The following EXOC4 variants were observed in gnomAD, a reference collection of about 807,000 sequenced individuals.
The protein encoded by EXOC4 is exocyst complex component 4, also known as SEC8-like 1.
In EXOC4, 71 loss-of-function variants were observed where a neutral mutation model predicts 107.2. That is an observed-to-expected ratio of 0.66 (90% CI 0.55 to 0.81). EXOC4 has a LOEUF of 0.81. EXOC4 is among the 30% of genes least tolerant of loss of function. The pLI, the probability that EXOC4 is intolerant of heterozygous loss-of-function variation, is 0.00. For synonymous variants in EXOC4, 456 were observed against 441.2 expected (o/e 1.03, Z -0.42); for missense variants, 1,108 against 1,189.6 (o/e 0.93, Z 1.01).
chr7:133,933,244 A>G (rs977141288), intron 13 of EXOC4, among the ~76,000 whole-genome samples: 1 of 152,192 alleles, frequency 6.6e-6, no homozygotes, highest in African/African-American at 2.4e-5. Context: ...CCTTAAATGA[A>G]TTCTTGTCAG....
chr7:133,311,032 TGAAA>T (rs1359152642), intron 4 of EXOC4, among the ~76,000 whole-genome samples: 3 of 152,090 alleles, frequency 2.0e-5, no homozygotes, highest in Non-Finnish European at 4.4e-5. Context: ...AATTGACAAA[TGAAA>T]GAAAGGTACA....
chr7:133,682,704 C>T (rs769650772), intron 10 of EXOC4, among the ~76,000 whole-genome samples: 3 of 152,198 alleles, frequency 2.0e-5, no homozygotes, highest in Admixed American at 6.5e-5. Context: ...CCACCTTTCT[C>T]ATGCACACAT....
chr7:133,253,222 G>C, intron 1 of EXOC4, 35 bp downstream of exon 1: 1 of 1,604,060 alleles, frequency 6.2e-7, no homozygotes, highest in Non-Finnish European at 8.5e-7. Flanking sequence ...TGGGGACTGG[G>C]GGCAGCGGCT....
At chr7:133,693,532 G>A (rs933181117) in intron 10 of EXOC4, among the ~76,000 whole-genome samples, 6 of 152,182 alleles carry the variant, frequency 3.9e-5, no homozygotes, top group Admixed American at 2.0e-4. Flanking sequence ...AATCCAATCC[G>A]GTTGACACCC....
At chr7:133,653,391 C>A (rs1803209724) in intron 10 of EXOC4, among the ~76,000 whole-genome samples, 1 of 152,126 alleles carries the variant, frequency 6.6e-6, no homozygotes, top group Non-Finnish European at 1.5e-5. Context: ...ACTAAGATGC[C>A]CCTTTACTTG....
At chr7:133,905,612 T>G (rs1192978018) in intron 12 of EXOC4, among the ~76,000 whole-genome samples, 1 of 152,176 alleles carries the variant, frequency 6.6e-6, no homozygotes, top group African/African-American at 2.4e-5. Context: ...CTGTTCCAAT[T>G]TACTATCAGT....
intron 9 of EXOC4, among the ~76,000 whole-genome samples, chr7:133,580,936 A>G (rs1224394038): frequency 6.6e-6 from 1 of 152,242 alleles, no homozygotes; most frequent in Non-Finnish European, 1.5e-5. Context: ...ATGAATACAC[A>G]TGTCCAGTCT....
chr7:133,327,007 C>T (rs556325901), intron 5 of EXOC4, among the ~76,000 whole-genome samples: 3 of 152,348 alleles, frequency 2.0e-5, no homozygotes, highest in African/African-American at 7.2e-5. Flanking sequence ...CTCTCCAAGC[C>T]AGGCGTGGGA....
At chr7:133,714,467 C>A (rs1213985554) in intron 10 of EXOC4, among the ~76,000 whole-genome samples, 2 of 152,204 alleles carry the variant, frequency 1.3e-5, no homozygotes, top group Non-Finnish European at 2.9e-5. Context: ...GGATTCAATT[C>A]CTGATCTTTA....
chr7:134,012,991 C>A (rs1210436362), intron 17 of EXOC4, among the ~76,000 whole-genome samples: 1 of 152,178 alleles, frequency 6.6e-6, no homozygotes, highest in African/African-American at 2.4e-5. Flanking sequence ...GACAAGAGGC[C>A]TGAAATGCTT....
At chr7:133,404,256 C>T (rs1043946432) in intron 7 of EXOC4, among the ~76,000 whole-genome samples, 19 of 152,234 alleles carry the variant, frequency 1.2e-4, no homozygotes, top group African/African-American at 2.6e-4. Flanking sequence ...CCCGCCACTA[C>T]GCCCGGCTAA....
chr7:134,006,362 C>CTTGGCCTACAGAGAT (rs6150359), intron 16 of EXOC4, among the ~76,000 whole-genome samples: 20,438 of 151,938 alleles, frequency 0.13, 1,866 homozygotes, highest in East Asian at 0.42. Context: ...GACACCAAAA[C>CTTGGCCTACAGAGAT]TTGGCCTACA....
chr7:134,019,132 G>A (rs1033544534), intron 17 of EXOC4, among the ~76,000 whole-genome samples: 2 of 152,108 alleles, frequency 1.3e-5, no homozygotes, highest in Non-Finnish European at 2.9e-5. Flanking sequence ...GTTTCACCAT[G>A]TTAGCCAGGA....
chr7:133,515,863 T>G (rs188306323), intron 9 of EXOC4, among the ~76,000 whole-genome samples: 1 of 152,254 alleles, frequency 6.6e-6, no homozygotes, highest in East Asian at 1.9e-4. Context: ...ACAACATCTC[T>G]TCTTATATAG....
intron 9 of EXOC4, among the ~76,000 whole-genome samples, chr7:133,593,025 G>C (rs1801586454): frequency 6.6e-6 from 1 of 152,198 alleles, no homozygotes; most frequent in Admixed American, 6.5e-5. Context: ...GGGATTACAG[G>C]CATGAGCCAC....
At chr7:133,547,133 C>A (rs1182475046) in intron 9 of EXOC4, among the ~76,000 whole-genome samples, 1 of 152,090 alleles carries the variant, frequency 6.6e-6, no homozygotes, top group Non-Finnish European at 1.5e-5. Flanking sequence ...AGGTTCAGTT[C>A]CAGACCACCA....
chr7:134,013,566 T>G (rs1794823376), intron 17 of EXOC4, among the ~76,000 whole-genome samples: 1 of 152,238 alleles, frequency 6.6e-6, no homozygotes, highest in Admixed American at 6.5e-5. Flanking sequence ...TATTGGTTCA[T>G]TCATTGTAAC....
At chr7:133,845,975 CTT>C (rs992158365) in intron 11 of EXOC4, among the ~76,000 whole-genome samples, 15 of 152,184 alleles carry the variant, frequency 9.9e-5, no homozygotes, top group African/African-American at 3.4e-4. Context: ...AAACAATAGA[CTT>C]TGCAATGAAT....
At chr7:133,365,079 T>C (rs1477916382) in intron 6 of EXOC4, among the ~76,000 whole-genome samples, 1 of 152,124 alleles carries the variant, frequency 6.6e-6, no homozygotes, top group East Asian at 1.9e-4. Context: ...TAGCTGGACA[T>C]GTTGAGAAGC....
Sources: allele counts gnomAD v4.1 joint callset (sites outside exome capture counted in the v4.1 genomes callset), GRCh38; gene constraint gnomAD v4.1.1; transcripts MANE v1.5; gene names NCBI Gene and HGNC (gene_info 2026-07-23, HGNC 2026-07-21).